The following FUT9 variants were observed in gnomAD, a reference collection of about 807,000 sequenced individuals.
FUT9 encodes the protein fucosyltransferase 9, also known as 4-galactosyl-N-acetylglucosaminide 3-alpha-L-fucosyltransferase 9.
In FUT9, 15 loss-of-function variants were observed where a neutral mutation model predicts 29.7. The ratio of observed to expected loss-of-function variants is 0.51; its 90% CI spans 0.34 to 0.78. The LOEUF (loss-of-function observed/expected upper bound fraction) is 0.78, where lower values mean the gene tolerates loss of function less well. Ranked by LOEUF, FUT9 falls within the 30% of genes least tolerant of loss-of-function variation. The pLI is 0.01. For missense variants in FUT9, 319 were observed against 425.4 expected, an observed-to-expected ratio of 0.75 and a Z score of 2.20; for synonymous variants, 169 against 153.7, an observed-to-expected ratio of 1.10 and a Z score of -0.74.
At chr6:96,053,623 G>A (rs1264025061) in intron 1 of FUT9, among the ~76,000 whole-genome samples, 1 of 152,082 alleles carries the variant, frequency 6.6e-6, no homozygotes, top group Non-Finnish European at 1.5e-5. Flanking sequence ...GCAGGAGAAT[G>A]GTGTGAACCC....
At chr6:96,088,870 G>T (rs966468234) in intron 1 of FUT9, among the ~76,000 whole-genome samples, 5 of 151,970 alleles carry the variant, frequency 3.3e-5, no homozygotes, top group Non-Finnish European at 7.4e-5. Flanking sequence ...TACCTTGATG[G>T]ATCCTGGTTA....
intron 1 of FUT9, among the ~76,000 whole-genome samples, chr6:96,032,195 A>G (rs1770273910): frequency 6.6e-6 from 1 of 151,628 alleles, no homozygotes; most frequent in Non-Finnish European, 1.5e-5. Flanking sequence ...TGTTTCTCAC[A>G]CTTTGTTTCC....
intron 2 of FUT9, among the ~76,000 whole-genome samples, chr6:96,158,469 A>G (rs760085976): frequency 6.6e-6 from 1 of 152,126 alleles, no homozygotes; most frequent in Non-Finnish European, 1.5e-5. Flanking sequence ...GAAATGTGAA[A>G]TATTAATCCA....
chr6:96,059,738 C>G (rs1770839266), intron 1 of FUT9, among the ~76,000 whole-genome samples: 1 of 152,166 alleles, frequency 6.6e-6, no homozygotes, highest in South Asian at 2.1e-4. Context: ...TCAGCTTGCC[C>G]CATAATATCT....
At chr6:96,051,897 T>C (rs898096561) in intron 1 of FUT9, among the ~76,000 whole-genome samples, 8 of 152,286 alleles carry the variant, frequency 5.3e-5, no homozygotes, top group East Asian at 1.9e-4. Context: ...ACCCACTTGA[T>C]GTCTCTGAAA....
At chr6:96,085,738 C>A (rs2127952175) in intron 1 of FUT9, among the ~76,000 whole-genome samples, 1 of 152,264 alleles carries the variant, frequency 6.6e-6, no homozygotes, top group South Asian at 2.1e-4. Context: ...ACTCAATGCC[C>A]TGGAAATATA....
At chr6:96,126,139 T>A in intron 2 of FUT9, among the ~76,000 whole-genome samples, 1 of 152,198 alleles carries the variant, frequency 6.6e-6, no homozygotes, top group East Asian at 1.9e-4. Context: ...TTCATTAGTC[T>A]GTTTTACATT....
At chr6:96,152,219 A>T (rs532618397) in intron 2 of FUT9, among the ~76,000 whole-genome samples, 3 of 152,170 alleles carry the variant, frequency 2.0e-5, no homozygotes, top group African/African-American at 7.2e-5. Context: ...GTTTTTACCT[A>T]TTACACGCTG....
intron 2 of FUT9, among the ~76,000 whole-genome samples, chr6:96,165,285 G>A (rs1256989519): frequency 6.6e-6 from 1 of 151,790 alleles, no homozygotes; most frequent in Non-Finnish European, 1.5e-5. Flanking sequence ...TACAAAATTA[G>A]CCGGTCGTGA....
intron 1 of FUT9, among the ~76,000 whole-genome samples, chr6:96,091,663 G>A (rs1273961502): frequency 2.6e-5 from 4 of 151,996 alleles, no homozygotes; most frequent in African/African-American, 7.2e-5. Flanking sequence ...GGAGAGAAAC[G>A]GACTGAGTGA....
intron 2 of FUT9, among the ~76,000 whole-genome samples, chr6:96,157,409 T>C (rs1772806006): frequency 6.6e-6 from 1 of 152,138 alleles, no homozygotes; most frequent in Admixed American, 6.5e-5. Context: ...GTGAGTTTAG[T>C]TTTGTGTTTT....
rs140632370 is a variant in FUT9 at position 96,141,326 on chromosome 6, G to T, written c.-9+27199G>T. ...CAGAGATTTTTATTAGCTATTCTAT[G>T]AATAAAGAAAAAGCATTCCACAATC... On this transcript the variant is annotated intron_variant, in intron 2 of 2. Coordinates refer to ENST00000302103, the MANE Select transcript of FUT9 (RefSeq NM_006581.4). Among the ~76,000 whole-genome samples the T allele has an allele frequency of 1.4e-3, 208 of 152,194 alleles. 1 individual carries two copies. Among genetic ancestry groups the T allele is most frequent in the African/African-American group, 4.8e-3 (198 of 41,530 alleles).
chr6:96,071,484 T>C (rs1771057766), intron 1 of FUT9, among the ~76,000 whole-genome samples: 1 of 152,226 alleles, frequency 6.6e-6, no homozygotes, highest in Non-Finnish European at 1.5e-5. Context: ...TATTATTCAT[T>C]CTGATTAATG....
chr6:96,119,546 C>T (rs562274442), intron 2 of FUT9, among the ~76,000 whole-genome samples: 1 of 152,270 alleles, frequency 6.6e-6, no homozygotes, highest in Non-Finnish European at 1.5e-5. Flanking sequence ...ATAATTATGT[C>T]TCACAAAAGC....
At chr6:96,076,315 G>A (rs1771142041) in intron 1 of FUT9, among the ~76,000 whole-genome samples, 1 of 152,158 alleles carries the variant, frequency 6.6e-6, no homozygotes, top group African/African-American at 2.4e-5. Context: ...TTTACACAAT[G>A]TTAAGGACTG....
intron 2 of FUT9, among the ~76,000 whole-genome samples, chr6:96,169,688 A>G (rs1252099900): frequency 6.6e-6 from 1 of 152,154 alleles, no homozygotes; most frequent in East Asian, 1.9e-4. Context: ...CTTCGGCAGT[A>G]TAATTAAGCC....
At chr6:96,162,269 T>C (rs2127980303) in intron 2 of FUT9, among the ~76,000 whole-genome samples, 1 of 152,276 alleles carries the variant, frequency 6.6e-6, no homozygotes, top group South Asian at 2.1e-4. Context: ...TTACTTGAGA[T>C]GTAATCATTG....
intron 2 of FUT9, among the ~76,000 whole-genome samples, chr6:96,125,446 CATT>C (rs1371228753): frequency 6.6e-6 from 1 of 152,134 alleles, no homozygotes; most frequent in Non-Finnish European, 1.5e-5. Context: ...AGTACTTAAT[CATT>C]ATAATAACAA....
chr6:96,186,246 T>C (rs376230434), intron 2 of FUT9, among the ~76,000 whole-genome samples: 1 of 152,156 alleles, frequency 6.6e-6, no homozygotes, highest in South Asian at 2.1e-4. Context: ...TGTTCTCTTA[T>C]TGTAAATTGA....
Sources: gnomAD v4.1 joint callset for allele counts (sites outside exome capture counted in the v4.1 genomes callset) on GRCh38, gnomAD v4.1.1 for gene constraint, MANE v1.5 for transcripts, NCBI Gene and HGNC (gene_info 2026-07-23, HGNC 2026-07-21) for gene names.